IPCEF1: variants seen among roughly 807,000 people sequenced by gnomAD.
IPCEF1 encodes the protein interactor protein for cytohesin exchange factors 1.
A neutral mutation model predicts 50.9 loss-of-function variants in IPCEF1; 31 were observed. That is an observed-to-expected ratio of 0.61 (90% CI 0.46 to 0.82). The LOEUF (loss-of-function observed/expected upper bound fraction) is 0.82, where lower values mean the gene tolerates loss of function less well. IPCEF1 is among the 40% of genes least tolerant of loss of function. The pLI, the probability that IPCEF1 is intolerant of heterozygous loss-of-function variation, is 0.00. For missense variants in IPCEF1, 458 were observed against 514.0 expected (o/e 0.89, Z 1.05); for synonymous variants, 181 against 192.0 (o/e 0.94, Z 0.47).
rs71021036 is a variant in IPCEF1, at chr6:154,273,724, CTTTTTTTTTT to C, written c.-17-7770_-17-7761del. Among the ~76,000 whole-genome samples the C allele has an allele frequency of 1.5e-3, 95 of 63,226 alleles. 2 individuals carry two copies. Among genetic ancestry groups the C allele is most frequent in the Middle Eastern group, 0.011 (1 of 88 alleles). The allele number at this position is 63,226 out of a possible 152,430, so 41.5% of individuals were successfully genotyped here. On this transcript the variant is annotated intron_variant, in intron 2 of 11. Coordinates refer to ENST00000367220, the MANE Select transcript of IPCEF1 (RefSeq NM_001130700.2). ...TCTTTTTTTCTTTCTTTCTTTCTTT[CTTTTTTTTTT>C]TTTTTTTTTTTTTTTTTTTTTTTTT... is the stretch of plus-strand genomic sequence containing the variant.
chr6:154,297,250 G>A (rs1782688289), intron 1 of IPCEF1, among the ~76,000 whole-genome samples: 1 of 152,010 alleles, frequency 6.6e-6, no homozygotes, highest in Non-Finnish European at 1.5e-5. Context: ...ATGTTGCCTG[G>A]ACTGGTCTTG....
intron 1 of IPCEF1, among the ~76,000 whole-genome samples, chr6:154,332,915 A>G (rs769157024): frequency 6.6e-6 from 1 of 152,206 alleles, no homozygotes; most frequent in African/African-American, 2.4e-5. Context: ...TCTGAGCTTG[A>G]AGCAGGCCTG....
chr6:154,337,819 T>C (rs927940457), intron 1 of IPCEF1, among the ~76,000 whole-genome samples: 1 of 152,166 alleles, frequency 6.6e-6, no homozygotes. Flanking sequence ...TATGCAAAAG[T>C]GATCAGGCCC....
rs566369350 is a variant in IPCEF1 at position 154,271,850 on chromosome 6, G to A, written c.-17-5886C>T. ...AATAAAATAAAAATTAGCAGGGTAT[G>A]GTGATGTGCACCTGTAGCCCCAGCT... On this transcript the variant is annotated intron_variant, in intron 2 of 11. Coordinates refer to ENST00000367220, the MANE Select transcript of IPCEF1 (RefSeq NM_001130700.2). Among the ~76,000 whole-genome samples the A allele has an allele frequency of 7.9e-5, 12 of 152,254 alleles. No homozygotes were observed. The South Asian group carries it at 2.5e-3, about 32-fold the overall frequency.
intron 10 of IPCEF1, among the ~76,000 whole-genome samples, chr6:154,176,151 T>A (rs1310701749): frequency 6.6e-6 from 1 of 152,112 alleles, no homozygotes; most frequent in East Asian, 1.9e-4. Flanking sequence ...CTCAATAAAC[T>A]AGGTATTGAT....
At chr6:154,195,903 T>C (rs1016706166) in intron 10 of IPCEF1, among the ~76,000 whole-genome samples, 1 of 151,750 alleles carries the variant, frequency 6.6e-6, no homozygotes, top group African/African-American at 2.4e-5. Flanking sequence ...GCAATTCTCC[T>C]GCCTCAGCCT....
At chr6:154,222,548 G>A (rs1226941010) in intron 6 of IPCEF1, among the ~76,000 whole-genome samples, 1 of 152,186 alleles carries the variant, frequency 6.6e-6, no homozygotes, top group Non-Finnish European at 1.5e-5. Context: ...TTGAATGAGA[G>A]TCTATAGATA....
chr6:154,192,461 A>G (rs1167957647), intron 10 of IPCEF1, among the ~76,000 whole-genome samples: 1 of 152,176 alleles, frequency 6.6e-6, no homozygotes, highest in African/African-American at 2.4e-5. Context: ...AGAAGAAATG[A>G]TGAAGCATAT....
At chr6:154,257,695 G>C (rs1219908884) in intron 3 of IPCEF1, among the ~76,000 whole-genome samples, 1 of 115,954 alleles carries the variant, frequency 8.6e-6, no homozygotes, top group Non-Finnish European at 2.1e-5. Context: ...TTTGGGTTTT[G>C]TTTGTTTGTT....
intron 7 of IPCEF1, among the ~76,000 whole-genome samples, chr6:154,221,016 C>T (rs1778823431): frequency 6.6e-6 from 1 of 152,178 alleles, no homozygotes; most frequent in Non-Finnish European, 1.5e-5. Context: ...TGACTTCTGT[C>T]CACTCCTTTT....
intron 7 of IPCEF1, among the ~76,000 whole-genome samples, chr6:154,216,610 C>A (rs1410469260): frequency 5.3e-5 from 8 of 152,190 alleles, no homozygotes; most frequent in Non-Finnish European, 1.2e-4. Flanking sequence ...TGGCTCACAC[C>A]TGTAATCCCA....
intron 5 of IPCEF1, among the ~76,000 whole-genome samples, chr6:154,240,600 A>G (rs185704074): frequency 3.1e-4 from 47 of 152,334 alleles, no homozygotes; most frequent in African/African-American, 9.9e-4. Context: ...TTGACTTTCA[A>G]GTAACATTTT....
At chr6:154,275,157 T>C (rs941008207) in intron 2 of IPCEF1, among the ~76,000 whole-genome samples, 2 of 152,148 alleles carry the variant, frequency 1.3e-5, no homozygotes, top group African/African-American at 4.8e-5. Flanking sequence ...CCAAGGAACT[T>C]CTAGGAGCCA....
At chr6:154,252,023 T>C (rs189234074) in intron 3 of IPCEF1, among the ~76,000 whole-genome samples, 1 of 152,304 alleles carries the variant, frequency 6.6e-6, no homozygotes, top group East Asian at 1.9e-4. Flanking sequence ...GATAAACATG[T>C]GAGACATCTA....
chr6:154,162,776 A>G (rs564671703), intron 11 of IPCEF1, among the ~76,000 whole-genome samples: 1 of 152,208 alleles, frequency 6.6e-6, no homozygotes, highest in Admixed American at 6.5e-5. Context: ...CCAAGTTTAT[A>G]TCTCTCCTTA....
intron 10 of IPCEF1, among the ~76,000 whole-genome samples, chr6:154,176,100 A>C (rs1370240738): frequency 6.6e-6 from 1 of 152,218 alleles, no homozygotes; most frequent in East Asian, 1.9e-4. Flanking sequence ...GATGCAGAAA[A>C]GGCCTTCAAC....
At chr6:154,353,299 T>TA in intron 1 of IPCEF1, among the ~76,000 whole-genome samples, 1 of 148,224 alleles carries the variant, frequency 6.7e-6, no homozygotes. Context: ...TTTCCTTTTT[T>TA]TTTTTTTTTT....
chr6:154,343,611 G>A (rs1362210692), intron 1 of IPCEF1, among the ~76,000 whole-genome samples: 1 of 151,998 alleles, frequency 6.6e-6, no homozygotes, highest in African/African-American at 2.4e-5. Flanking sequence ...TCTTTCCTCC[G>A]CCAATCTGAC....
At chr6:154,241,941 TGGC>T (rs1780629847) in intron 5 of IPCEF1, among the ~76,000 whole-genome samples, 2 of 152,306 alleles carry the variant, frequency 1.3e-5, no homozygotes, top group Admixed American at 1.3e-4. Context: ...GAAAAGAGCC[TGGC>T]TTTGTCGTTG....
Sources: allele counts gnomAD v4.1 joint callset (sites outside exome capture counted in the v4.1 genomes callset), GRCh38; gene constraint gnomAD v4.1.1; transcripts MANE v1.5; gene names NCBI Gene and HGNC (gene_info 2026-07-23, HGNC 2026-07-21).